The following TENT2 variants were observed in gnomAD, a reference collection of about 807,000 sequenced individuals.
The protein encoded by TENT2 is terminal nucleotidyltransferase 2, also known as poly(A) RNA polymerase GLD2.
In TENT2, 44 loss-of-function variants were observed where a neutral mutation model predicts 72.2. The ratio of observed to expected loss-of-function variants is 0.61; its 90% CI spans 0.48 to 0.78. The LOEUF (loss-of-function observed/expected upper bound fraction) is 0.78, where lower values mean the gene tolerates loss of function less well. Ranked by LOEUF, TENT2 falls within the 30% of genes least tolerant of loss-of-function variation. The pLI is 0.00. For synonymous variants in TENT2, 212 were observed against 192.5 expected (o/e 1.10, Z -0.84); for missense variants, 541 against 569.6 (o/e 0.95, Z 0.51).
intron 8 of TENT2, among the ~76,000 whole-genome samples, chr5:79,646,671 A>G (rs1001637411): frequency 6.6e-6 from 1 of 152,150 alleles, no homozygotes; most frequent in East Asian, 1.9e-4. Context: ...TTAGCTAATT[A>G]TAAGTTTTTA....
At chr5:79,680,056 A>G (rs1417367146) in intron 13 of TENT2, among the ~76,000 whole-genome samples, 3 of 152,154 alleles carry the variant, frequency 2.0e-5, no homozygotes, top group Non-Finnish European at 2.9e-5. Flanking sequence ...ATAGAAATTG[A>G]TGTTGCTTTA....
Position 79,682,916 on chromosome 5 carries a change from T to G in TENT2, c.1380+855T>G, listed in dbSNP as rs77256034. 4.0e-3 allele frequency among the ~76,000 whole-genome samples: 611 copies of G among 152,218 alleles called. 2 individuals carry two copies. Among genetic ancestry groups the G allele is most frequent in the African/African-American group, 0.013 (532 of 41,538 alleles). ...ATGCCTTGATATATGTATTGAGACATGGAGGGGAGGGAAAGCTTTGTAGAA... is the reference window on the plus strand; with the variant it reads ...ATGCCTTGATATATGTATTGAGACAGGGAGGGGAGGGAAAGCTTTGTAGAA... On this transcript the variant is annotated intron_variant, in intron 14 of 14. Transcript: ENST00000453514.
chr5:79,685,540 G>T lies in TENT2; in HGVS notation c.*267G>T. Reference sequence around the variant, plus strand: ...AGGTGATCAGATAAAATATATTTTGGGAAATTAACTGAACAAATAAAAAGT... The same window carrying T: ...AGGTGATCAGATAAAATATATTTTGTGAAATTAACTGAACAAATAAAAAGT... On this transcript the variant is annotated 3_prime_UTR_variant, in exon 15 of 15. Transcript: ENST00000453514. 4.1e-6 allele frequency: 1 copy of T among 242,264 alleles called. No homozygotes were observed. 15.0% of individuals were successfully genotyped at this position (242,264 alleles called of 1,614,324 possible).
chr5:79,678,635 C>A (rs1178462950), intron 12 of TENT2, among the ~76,000 whole-genome samples: 3 of 152,160 alleles, frequency 2.0e-5, no homozygotes, highest in Non-Finnish European at 4.4e-5. Context: ...AAATTTTACT[C>A]TTAACAGCTG....
intron 12 of TENT2, among the ~76,000 whole-genome samples, chr5:79,675,970 T>A (rs1164878532): frequency 1.3e-5 from 2 of 152,000 alleles, no homozygotes; most frequent in Non-Finnish European, 2.9e-5. Context: ...AAGGTTCAGA[T>A]AGAAGATGAG....
chr5:79,681,800 G>T lies in TENT2; in HGVS notation c.1301-182G>T, dbSNP rs542465684. 1.7e-5 allele frequency: 9 copies of T among 518,330 alleles called. No individual in the cohort carries two copies. The South Asian group carries it at 2.1e-4, about 12-fold the overall frequency. 32.1% of individuals were successfully genotyped at this position (518,330 alleles called of 1,614,324 possible). ...TGAATTCTATCTACCTTATTAGGCA[G>T]TTCATAGTATATCAAGCTTTTCTGT... is the stretch of plus-strand genomic sequence containing the variant. On this transcript the variant is annotated intron_variant, in intron 13 of 14. Transcript: ENST00000453514.
At chr5:79,668,487 G>A (rs1024104480) in intron 11 of TENT2, among the ~76,000 whole-genome samples, 1 of 152,076 alleles carries the variant, frequency 6.6e-6, no homozygotes, top group African/African-American at 2.4e-5. Context: ...CTCTTACTTT[G>A]TGCTTGATAT....
chr5:79,666,151 G>A (rs955434230), intron 11 of TENT2, among the ~76,000 whole-genome samples: 2 of 151,272 alleles, frequency 1.3e-5, no homozygotes, highest in African/African-American at 4.9e-5. Context: ...ACCATGTCCA[G>A]CTAATTTTTG....
chr5:79,672,689 A>G (rs907960034), intron 12 of TENT2, among the ~76,000 whole-genome samples: 4 of 152,158 alleles, frequency 2.6e-5, no homozygotes, highest in Non-Finnish European at 4.4e-5. Context: ...AGTACCACCT[A>G]TTATTTATCC....
intron 4 of TENT2, among the ~76,000 whole-genome samples, chr5:79,629,306 G>A (rs1000911820): frequency 6.6e-6 from 1 of 152,162 alleles, no homozygotes; most frequent in Admixed American, 6.5e-5. Flanking sequence ...TAACTGTATT[G>A]ACAGTATATG....
chr5:79,666,711 A>G (rs1374156310), intron 11 of TENT2, among the ~76,000 whole-genome samples: 1 of 152,182 alleles, frequency 6.6e-6, no homozygotes, highest in Non-Finnish European at 1.5e-5. Context: ...CTGGAGATGG[A>G]AAGTGATCAT....
chr5:79,669,090 A>G lies in TENT2; in HGVS notation c.1208+62A>G, dbSNP rs897244571. On this transcript the variant is annotated intron_variant, in intron 12 of 14. Transcript: ENST00000453514. ...TGTGTGTGTGTGTGTATGTATGTAT[A>G]TATATGAATACGAATATATAAGTAA... 23 of 1,525,382 alleles carry G rather than the reference A, an allele frequency of 1.5e-5. No individual in the cohort carries two copies. In the Middle Eastern group the frequency reaches 5.5e-4, roughly 36 times the overall value. 94.5% of individuals were successfully genotyped at this position (1,525,382 alleles called of 1,614,324 possible).
At chr5:79,643,052 T>A in intron 7 of TENT2, 142 bp downstream of exon 7, 1 of 1,149,192 alleles carries the variant, frequency 8.7e-7, no homozygotes, top group Non-Finnish European at 1.1e-6. Flanking sequence ...GAATTTCTTT[T>A]AACTTTTGAT....
chr5:79,635,616 G>A (rs1159974845), intron 4 of TENT2, among the ~76,000 whole-genome samples: 1 of 152,010 alleles, frequency 6.6e-6, no homozygotes, highest in African/African-American at 2.4e-5. Context: ...GTGCAGTTGC[G>A]CGATCTCGGC....
At chr5:79,664,881 G>A (rs926729179) in intron 11 of TENT2, among the ~76,000 whole-genome samples, 5 of 152,120 alleles carry the variant, frequency 3.3e-5, no homozygotes, top group African/African-American at 9.7e-5. Context: ...TAAGTAACTT[G>A]ATTAAATGCC....
rs538423746 is a variant in TENT2 at position 79,654,379 on chromosome 5, C to T, written c.1028-2579C>T. Among the ~76,000 whole-genome samples, 3 of 151,992 alleles carry T rather than the reference C, an allele frequency of 2.0e-5. No individual in the cohort carries two copies. In the South Asian group the frequency reaches 6.2e-4, roughly 32 times the overall value. ...CCAGGAGGCGGAGGTTGCAGTGAGC[C>T]TAGATTGTGCCATTGCACTCCAGCC... On this transcript the variant is annotated intron_variant, in intron 10 of 14. Transcript: ENST00000453514.
At chr5:79,635,243 T>C (rs182304044) in intron 4 of TENT2, among the ~76,000 whole-genome samples, 1 of 152,326 alleles carries the variant, frequency 6.6e-6, no homozygotes, top group East Asian at 1.9e-4. Flanking sequence ...TGCATTTCTC[T>C]TTTTGTCTCA....
intron 12 of TENT2, among the ~76,000 whole-genome samples, chr5:79,672,719 C>T (rs916258719): frequency 8.5e-5 from 13 of 152,200 alleles, no homozygotes; most frequent in Admixed American, 8.5e-4. Context: ...TTGATGGACA[C>T]TTAAGTTCCT....
chr5:79,632,854 C>G (rs1776623448), intron 4 of TENT2, among the ~76,000 whole-genome samples: 1 of 152,048 alleles, frequency 6.6e-6, no homozygotes. Flanking sequence ...CAAAAGAGAT[C>G]AAATAAAAAC....
Sources: gnomAD v4.1 joint callset for allele counts (sites outside exome capture counted in the v4.1 genomes callset) on GRCh38, gnomAD v4.1.1 for gene constraint, MANE v1.5 for transcripts, NCBI Gene and HGNC (gene_info 2026-07-23, HGNC 2026-07-21) for gene names.